PTK2B: variants seen among roughly 807,000 people sequenced by gnomAD.
PTK2B encodes the protein protein-tyrosine kinase 2-beta.
Under a neutral mutation model 142.9 loss-of-function variants are expected in PTK2B, and 71 were observed. That is an observed-to-expected ratio of 0.50 (90% CI 0.41 to 0.61). The LOEUF (loss-of-function observed/expected upper bound fraction) is 0.61, where lower values mean the gene tolerates loss of function less well. Among genes scored for constraint, PTK2B ranks in the 20% least tolerant of loss-of-function variants. The pLI is 0.00. For missense variants in PTK2B, 1,105 were observed against 1,320.4 expected (o/e 0.84, Z 2.53); for synonymous variants, 519 against 503.4 (o/e 1.03, Z -0.42).
At chr8:27,443,061 T>C in intron 22 of PTK2B, 78 bp downstream of exon 22, 1 of 977,660 alleles carries the variant, frequency 1.0e-6, no homozygotes, top group African/African-American at 1.6e-5. Flanking sequence ...TCCCCCTTAC[T>C]GCACAGGCAG....
chr8:27,351,673 C>T (rs1424655556), intron 1 of PTK2B, among the ~76,000 whole-genome samples: 1 of 152,200 alleles, frequency 6.6e-6, no homozygotes. Context: ...TTTCCATTTT[C>T]AACATTTCAC....
intron 2 of PTK2B, among the ~76,000 whole-genome samples, chr8:27,413,675 C>T (rs182958682): frequency 1.8e-4 from 27 of 152,306 alleles, no homozygotes; most frequent in African/African-American, 9.6e-5. Flanking sequence ...CCATGATGAT[C>T]GGTTGTTTGT....
At chr8:27,454,813 A>G (rs1457691152) in intron 30 of PTK2B, among the ~76,000 whole-genome samples, 1 of 152,082 alleles carries the variant, frequency 6.6e-6, no homozygotes, top group East Asian at 1.9e-4. Context: ...GCTAGCAGGG[A>G]TTTCCTAGTT....
intron 1 of PTK2B, among the ~76,000 whole-genome samples, chr8:27,354,991 A>G (rs1183452359): frequency 7.9e-5 from 12 of 152,218 alleles, no homozygotes; most frequent in African/African-American, 2.7e-4. Context: ...TTCTTACAGT[A>G]AACGACTCTT....
rs76596302 is a variant in PTK2B, at chr8:27,364,962, C to T, written c.-37-32586C>T. Among the ~76,000 whole-genome samples, 896 of 152,334 alleles carry T rather than the reference C, an allele frequency of 5.9e-3. 11 individuals are homozygous for T. The highest frequency in any genetic ancestry group is 0.021 in the African/African-American group (867 of 41,566). ...TCCTATGCATACCTGTGGGTAGTCA[C>T]CTCTGTAAACCTTGACACTTCTGAT... On this transcript the variant is annotated intron_variant, in intron 1 of 30. Coordinates refer to ENST00000346049, the MANE Select transcript of PTK2B (RefSeq NM_173176.3).
chr8:27,394,173 G>A (rs960095497), intron 1 of PTK2B, among the ~76,000 whole-genome samples: 25 of 152,118 alleles, frequency 1.6e-4, no homozygotes, highest in African/African-American at 5.8e-4. Flanking sequence ...TCTGGGTTGG[G>A]TACATTCTGT....
Position 27,358,578 on chromosome 8 carries a change from T to C in PTK2B, c.-38+32897T>C, listed in dbSNP as rs113407027. On this transcript the variant is annotated intron_variant, in intron 1 of 30. Transcript: ENST00000346049. ...GTTTTTAGGTTTGCTTCTTGTAAAC[T>C]ACAGATAGCTGGATTTTTAAAAAAT... Among the ~76,000 whole-genome samples the C allele has an allele frequency of 3.7e-3, 558 of 152,310 alleles. 4 individuals are homozygous for C. Among genetic ancestry groups the C allele is most frequent in the African/African-American group, 0.013 (530 of 41,576 alleles).
intron 1 of PTK2B, among the ~76,000 whole-genome samples, chr8:27,359,510 G>A (rs1280637770): frequency 1.3e-5 from 2 of 152,172 alleles, no homozygotes; most frequent in African/African-American, 2.4e-5. Flanking sequence ...CTTTCTCAAG[G>A]TGGGTTGCTT....
intron 3 of PTK2B, among the ~76,000 whole-genome samples, chr8:27,319,011 A>G (rs892543937): frequency 6.6e-6 from 1 of 152,140 alleles, no homozygotes; most frequent in African/African-American, 2.4e-5. Context: ...CATCCTTCCA[A>G]AAATTGACCC....
intron 2 of PTK2B, among the ~76,000 whole-genome samples, chr8:27,399,958 G>A (rs1011580148): frequency 6.6e-6 from 1 of 152,204 alleles, no homozygotes; most frequent in South Asian, 2.1e-4. Context: ...AAAGCACACA[G>A]CAGTGCCCAT....
intron 1 of PTK2B, among the ~76,000 whole-genome samples, chr8:27,357,913 C>G (rs762342940): frequency 1.3e-5 from 2 of 152,172 alleles, no homozygotes; most frequent in Non-Finnish European, 2.9e-5. Context: ...AATTTAGACT[C>G]TATAGCTCCC....
intron 2 of PTK2B, among the ~76,000 whole-genome samples, chr8:27,415,739 G>A (rs754717916): frequency 2.6e-5 from 4 of 152,188 alleles, no homozygotes; most frequent in Non-Finnish European, 5.9e-5. Flanking sequence ...AAATCATGGA[G>A]AGAGTAAGCC....
chr8:27,360,730 G>A (rs924810595), intron 1 of PTK2B, among the ~76,000 whole-genome samples: 3 of 152,214 alleles, frequency 2.0e-5, no homozygotes, highest in Admixed American at 2.0e-4. Flanking sequence ...AAAAAAGGAT[G>A]TGAAAGACTT....
At chr8:27,311,241 G>A (rs200729724), upstream of PTK2B, 14 of 1,515,336 alleles carry the variant, frequency 9.2e-6, no homozygotes, top group South Asian at 1.3e-5. Context: ...TCCATGGCAC[G>A]AGCAGCCGGC....
At chr8:27,354,749 A>G (rs952831743) in intron 1 of PTK2B, among the ~76,000 whole-genome samples, 3 of 152,176 alleles carry the variant, frequency 2.0e-5, no homozygotes, top group East Asian at 1.9e-4. Context: ...TTGTTATTCT[A>G]TGAAGGTAAA....
intron 24 of PTK2B, among the ~76,000 whole-genome samples, chr8:27,448,698 C>A (rs557820616): frequency 6.6e-6 from 1 of 152,372 alleles, no homozygotes; most frequent in South Asian, 2.1e-4. Flanking sequence ...ATTTTTCTCA[C>A]ATCCAGAAAT....
intron 1 of PTK2B, among the ~76,000 whole-genome samples, chr8:27,390,161 G>A (rs546081278): frequency 1.3e-5 from 2 of 152,258 alleles, no homozygotes; most frequent in Admixed American, 1.3e-4. Flanking sequence ...TTCGAGACAG[G>A]CAATGGGGCT....
At chr8:27,344,343 G>T (rs764745708) in intron 1 of PTK2B, among the ~76,000 whole-genome samples, 2 of 152,152 alleles carry the variant, frequency 1.3e-5, no homozygotes, top group African/African-American at 4.8e-5. Flanking sequence ...TAGAAGCGAG[G>T]GCTTCTCAAG....
rs1806810076 is a variant in PTK2B, at chr8:27,378,597, TTATCTGTGTGTGTGTG to T, written c.-37-18949_-37-18934del. ...ATTCAAGAGTATAAAATCTTACAGC[TTATCTGTGTGTGTGTG>T]TGTGTGTGTGTGTGTGTGTGTGTGT... On this transcript the variant is annotated intron_variant, in intron 1 of 30. Transcript: ENST00000346049. Among the ~76,000 whole-genome samples, 37 of 138,000 alleles carry T rather than the reference TTATCTGTGTGTGTGTG, an allele frequency of 2.7e-4. No homozygotes were observed. The South Asian group carries it at 8.5e-3, about 32-fold the overall frequency. The allele number at this position is 138,000 out of a possible 152,430, so 90.5% of individuals were successfully genotyped here.
Sources: allele counts gnomAD v4.1 joint callset (sites outside exome capture counted in the v4.1 genomes callset), GRCh38; gene constraint gnomAD v4.1.1; transcripts MANE v1.5; gene names NCBI Gene and HGNC (gene_info 2026-07-23, HGNC 2026-07-21).